The following TMPO variants were observed in gnomAD, a reference collection of about 807,000 sequenced individuals.
TMPO encodes thymopoietin, also known as LEM domain containing 4.
Under a neutral mutation model 45.4 loss-of-function variants are expected in TMPO, and 22 were observed. The observed-to-expected ratio is 0.48, with a 90% CI of 0.35 to 0.69. The LOEUF is 0.69. TMPO is among the 30% of genes least tolerant of loss of function. The pLI, the probability that TMPO is intolerant of heterozygous loss-of-function variation, is 0.01. For synonymous variants in TMPO, 241 were observed against 204.1 expected (o/e 1.18, Z -1.54); for missense variants, 512 against 548.8 (o/e 0.93, Z 0.67).
At chr12:98,544,069 G>A (rs892664328) in intron 4 of TMPO, 161 bp from the exon 5 acceptor site, 4 of 750,264 alleles carry the variant, frequency 5.3e-6, no homozygotes, top group Middle Eastern at 4.0e-4. Flanking sequence ...CTAAATATCA[G>A]TTCAATTAAT....
At chr12:98,522,429 G>A (rs1876442559) in intron 1 of TMPO, among the ~76,000 whole-genome samples, 1 of 152,198 alleles carries the variant, frequency 6.6e-6, no homozygotes, top group East Asian at 1.9e-4. Flanking sequence ...ATAATAAGGT[G>A]TTAAGTTTAC....
rs775761149 is a variant in TMPO, at chr12:98,516,159, G to A, written c.279+13G>A. On this transcript the variant is annotated intron_variant, in intron 1 of 8. Transcript: ENST00000556029. ...AGCCGTCGGCAGGGTAAGGACGCGG[G>A]GCCGGGGCTACAAAGGCGGGCGTTT... The A allele has an allele frequency of 7.3e-7, 1 of 1,378,084 alleles. No homozygotes were observed. Among genetic ancestry groups the A allele is most frequent in the Non-Finnish European group, 9.3e-7 (1 of 1,072,212 alleles). 85.4% of individuals were successfully genotyped at this position (1,378,084 alleles called of 1,614,324 possible).
chr12:98,535,243 A>G, intron 3 of TMPO: 1 of 983,794 alleles, frequency 1.0e-6, no homozygotes, highest in Non-Finnish European at 1.2e-6. Context: ...GTGGAAAGTT[A>G]AGTTTAGCAA....
chr12:98,521,454 A>G (rs1876360535), intron 1 of TMPO, among the ~76,000 whole-genome samples: 1 of 152,138 alleles, frequency 6.6e-6, no homozygotes, highest in South Asian at 2.1e-4. Context: ...GTTTCATTTC[A>G]GCTTCTACCA....
intron 3 of TMPO, chr12:98,535,343 TATC>T (rs1877505135): frequency 1.0e-6 from 1 of 984,830 alleles, no homozygotes; most frequent in Non-Finnish European, 1.2e-6. Context: ...AGCAGTGTAT[TATC>T]ATGTTTTCAT....
intron 1 of TMPO, among the ~76,000 whole-genome samples, chr12:98,526,233 G>A (rs575664424): frequency 2.6e-5 from 4 of 152,334 alleles, no homozygotes; most frequent in South Asian, 2.1e-4. Flanking sequence ...TAACCATGAA[G>A]TCTGTCAGAT....
At position 98,530,517 on chromosome 12, in the gene TMPO, T is replaced by C. The variant is rs536601636; in HGVS notation, c.407-1163T>C. On this transcript the variant is annotated intron_variant, in intron 2 of 8. Coordinates refer to ENST00000556029, the MANE Select transcript of TMPO (RefSeq NM_001032283.3). ...TCATTTTGCTCATCTTACCAGGAGT[T>C]AAGGAAAGATAATACAGTTAATGTA... Among the ~76,000 whole-genome samples the C allele has an allele frequency of 5.3e-4, 80 of 152,276 alleles. 1 individual carries two copies. The highest frequency in any genetic ancestry group is 1.9e-3 in the African/African-American group (79 of 41,566).
intron 4 of TMPO, among the ~76,000 whole-genome samples, chr12:98,540,040 C>T (rs894944695): frequency 1.3e-5 from 2 of 152,126 alleles, no homozygotes; most frequent in African/African-American, 4.8e-5. Context: ...TCCACATATC[C>T]GGTTTGATTT....
At chr12:98,530,811 A>G (rs1238969744) in intron 2 of TMPO, among the ~76,000 whole-genome samples, 2 of 152,368 alleles carry the variant, frequency 1.3e-5, no homozygotes, top group African/African-American at 2.4e-5. Context: ...GGCAAGTACT[A>G]TTACGTAGTA....
At chr12:98,530,327 A>G (rs895196989) in intron 2 of TMPO, among the ~76,000 whole-genome samples, 2 of 151,838 alleles carry the variant, frequency 1.3e-5, no homozygotes, top group African/African-American at 4.8e-5. Flanking sequence ...ACAGAGCAAG[A>G]CCTTGTCTCA....
At chr12:98,535,865 C>G (rs1011176811) in intron 3 of TMPO, among the ~76,000 whole-genome samples, 1 of 152,098 alleles carries the variant, frequency 6.6e-6, no homozygotes, top group African/African-American at 2.4e-5. Flanking sequence ...AATCTGTAAC[C>G]AGATACCTTA....
intron 1 of TMPO, among the ~76,000 whole-genome samples, chr12:98,519,960 T>C (rs187127806): frequency 6.6e-6 from 1 of 152,090 alleles, no homozygotes; most frequent in Non-Finnish European, 1.5e-5. Context: ...TTCTTTCTTT[T>C]TTTCTTTTTC....
At chr12:98,534,255 T>C (rs1877425502) in intron 3 of TMPO, 1 of 1,613,674 alleles carries the variant, frequency 6.2e-7, no homozygotes, top group Non-Finnish European at 8.5e-7. Context: ...CTTCTAAGAA[T>C]AAGCTGGCTT....
At chr12:98,520,495 C>A (rs1415398245) in intron 1 of TMPO, among the ~76,000 whole-genome samples, 1 of 151,820 alleles carries the variant, frequency 6.6e-6, no homozygotes, top group Non-Finnish European at 1.5e-5. Flanking sequence ...TTAGTAGAGA[C>A]AAGGTTTCAC....
chr12:98,546,758 T>C (rs903429909), intron 8 of TMPO, among the ~76,000 whole-genome samples: 1 of 152,204 alleles, frequency 6.6e-6, no homozygotes, highest in African/African-American at 2.4e-5. Flanking sequence ...GTAAATATTC[T>C]TGAAAGTTGA....
chr12:98,544,634 A>T, intron 6 of TMPO, 97 bp downstream of exon 6: 2 of 1,000,728 alleles, frequency 2.0e-6, no homozygotes, highest in Admixed American at 5.5e-5. Context: ...TCTCAAATTT[A>T]CATGTTTTTT....
intron 1 of TMPO, 109 bp downstream of exon 1, chr12:98,516,255 TGC>T: frequency 7.8e-7 from 1 of 1,284,510 alleles, no homozygotes; most frequent in Non-Finnish European, 9.8e-7. Context: ...GCCTCCCAGG[TGC>T]GGGGCTGTCC....
rs71436918 is a variant in TMPO at position 98,539,202 on chromosome 12, A to AAAATAAATAAATAAAT, written c.663+1641_663+1656dup. The stretch of plus-strand genomic sequence containing the variant: ...GCAACAAGAGCGAAACTCTGTCTCA[A>AAAATAAATAAATAAAT]AAATAAATAAATAAATAAATAAATA... On this transcript the variant is annotated intron_variant, in intron 4 of 8. Transcript: ENST00000556029. 5.3e-5 allele frequency among the ~76,000 whole-genome samples: 8 copies of AAAATAAATAAATAAAT among 151,454 alleles called. No homozygotes were observed. The South Asian group carries it at 6.3e-4, about 12-fold the overall frequency.
intron 2 of TMPO, among the ~76,000 whole-genome samples, chr12:98,529,910 T>G (rs1877064767): frequency 6.6e-6 from 1 of 152,208 alleles, no homozygotes; most frequent in Non-Finnish European, 1.5e-5. Context: ...TGGTAGGTTT[T>G]GCTATAGGTA....
Sources: allele counts gnomAD v4.1 joint callset (sites outside exome capture counted in the v4.1 genomes callset), GRCh38; gene constraint gnomAD v4.1.1; transcripts MANE v1.5; gene names NCBI Gene and HGNC (gene_info 2026-07-23, HGNC 2026-07-21).